The following DOCK10 variants were observed in gnomAD, a reference collection of about 807,000 sequenced individuals.
DOCK10 encodes dedicator of cytokinesis protein 10.
A neutral mutation model predicts 280.1 loss-of-function variants in DOCK10; 145 were observed. That is an observed-to-expected ratio of 0.52 (90% CI 0.45 to 0.59). DOCK10 has a LOEUF of 0.59. Among genes scored for constraint, DOCK10 ranks in the 20% least tolerant of loss-of-function variants. The probability of loss-of-function intolerance (pLI) is 0.00; values close to 1 mark genes in which losing one functional copy is unlikely to be tolerated. For missense variants in DOCK10, 2,368 were observed against 2,651.7 expected, an observed-to-expected ratio of 0.89 and a Z score of 2.35; for synonymous variants, 915 against 942.2, an observed-to-expected ratio of 0.97 and a Z score of 0.53.
At chr2:224,939,687 T>C (rs1702902709) in intron 1 of DOCK10, among the ~76,000 whole-genome samples, 3 of 152,358 alleles carry the variant, frequency 2.0e-5, no homozygotes, top group African/African-American at 7.2e-5. Flanking sequence ...TGATGAGAGC[T>C]GTCACCAGCT....
intron 4 of DOCK10, among the ~76,000 whole-genome samples, chr2:224,894,121 T>A (rs1368045727): frequency 6.6e-6 from 1 of 152,262 alleles, no homozygotes; most frequent in East Asian, 1.9e-4. Context: ...CTTTCTTTAG[T>A]TAAAGTAAGG....
chr2:224,965,377 T>G (rs1458249983), intron 1 of DOCK10, among the ~76,000 whole-genome samples: 2 of 152,192 alleles, frequency 1.3e-5, no homozygotes, highest in African/African-American at 4.8e-5. Context: ...GGGCACCCTT[T>G]CAAGGTCAAT....
chr2:225,011,850 G>C, intron 1 of DOCK10, among the ~76,000 whole-genome samples: 1 of 152,160 alleles, frequency 6.6e-6, no homozygotes, highest in South Asian at 2.1e-4. Flanking sequence ...GAAGTACCCA[G>C]AGTCAAAACG....
intron 48 of DOCK10, among the ~76,000 whole-genome samples, chr2:224,788,442 G>A (rs928105150): frequency 6.6e-6 from 1 of 152,018 alleles, no homozygotes; most frequent in Non-Finnish European, 1.5e-5. Context: ...TCGTTTATTT[G>A]CAATATATGC....
chr2:224,915,856 GA>G (rs1701281043), intron 3 of DOCK10, among the ~76,000 whole-genome samples: 1 of 152,218 alleles, frequency 6.6e-6, no homozygotes, highest in African/African-American at 2.4e-5. Context: ...AGAAGAGAAA[GA>G]AGCTGTTTTG....
chr2:224,984,258 G>A (rs1249557187), intron 1 of DOCK10, among the ~76,000 whole-genome samples: 2 of 152,226 alleles, frequency 1.3e-5, no homozygotes, highest in Admixed American at 1.3e-4. Flanking sequence ...AGAGAAGACA[G>A]ATCCCTCCGC....
At chr2:224,978,770 A>G (rs1705584903) in intron 1 of DOCK10, among the ~76,000 whole-genome samples, 1 of 152,164 alleles carries the variant, frequency 6.6e-6, no homozygotes, top group Non-Finnish European at 1.5e-5. Flanking sequence ...CTCCAGACAT[A>G]TATGCAACTT....
At chr2:224,856,770 T>C in intron 15 of DOCK10, 90 bp downstream of exon 15, 1 of 1,248,042 alleles carries the variant, frequency 8.0e-7, no homozygotes, top group Non-Finnish European at 1.1e-6. Flanking sequence ...GGTTTGGGTG[T>C]TCGAGAATGA....
intron 27 of DOCK10, among the ~76,000 whole-genome samples, chr2:224,828,511 C>A (rs1695012502): frequency 6.6e-6 from 1 of 152,086 alleles, no homozygotes; most frequent in African/African-American, 2.4e-5. Flanking sequence ...GAAGATCCAC[C>A]AGTGTATCAA....
chr2:224,773,104 A>T, intron 53 of DOCK10, 53 bp downstream of exon 53: 1 of 1,482,708 alleles, frequency 6.7e-7, no homozygotes, highest in Non-Finnish European at 9.1e-7. Flanking sequence ...AGGGCATTTT[A>T]CACCTGGTTT....
intron 31 of DOCK10, among the ~76,000 whole-genome samples, chr2:224,812,703 T>C (rs1225288262): frequency 6.6e-6 from 1 of 152,228 alleles, no homozygotes; most frequent in Non-Finnish European, 1.5e-5. Flanking sequence ...TGAAGCATTG[T>C]TGAATTTTGT....
Position 224,797,914 on chromosome 2 carries a change from G to T in DOCK10, c.4562C>A (p.Thr1521Asn). Residue 1521 changes from threonine to asparagine, a missense_variant, in exon 42 of 56, where the codon ACC becomes AAC. By Grantham distance (65) the Thr-to-Asn change is moderately conservative. Coordinates refer to ENST00000258390, the MANE Select transcript of DOCK10 (RefSeq NM_014689.3). Reference sequence around the variant, plus strand: ...ATTGACTTGGAAAAAGAGCATGTAGGTATCAAAGACCCTTTTCATCAATGA... The same window carrying T: ...ATTGACTTGGAAAAAGAGCATGTAGTTATCAAAGACCCTTTTCATCAATGA... ...QNSLMKRVFD[T>N]YMLFFQVNQS... 1 of 1,613,806 alleles carries T rather than the reference G, an allele frequency of 6.2e-7. No homozygotes were observed. The highest frequency in any genetic ancestry group is 8.5e-7 in the Non-Finnish European group (1 of 1,179,764).
At chr2:224,879,857 A>G (rs1698875333) in intron 7 of DOCK10, among the ~76,000 whole-genome samples, 1 of 152,216 alleles carries the variant, frequency 6.6e-6, no homozygotes, top group Non-Finnish European at 1.5e-5. Context: ...GACATTTTTA[A>G]GTATTTGATT....
chr2:224,995,215 T>G (rs1337557521), intron 1 of DOCK10, among the ~76,000 whole-genome samples: 1 of 152,204 alleles, frequency 6.6e-6, no homozygotes, highest in Non-Finnish European at 1.5e-5. Context: ...TTATGACCAG[T>G]CTAAGTTACA....
chr2:224,865,017 T>G lies in DOCK10; in HGVS notation c.1328A>C (p.His443Pro). 1 of 1,613,924 alleles carries G rather than the reference T, an allele frequency of 6.2e-7. No homozygotes were observed. The highest frequency in any genetic ancestry group is 8.5e-7 in the Non-Finnish European group (1 of 1,179,874). ...RDSRKISADF[H>P]VDLNHAAVRQ... ...GACAGCAGCATGGTTTAGATCCACA[T>G]GAAAATCAGCAGAAATCTTCCTGCT... Residue 443 changes from histidine to proline, a missense_variant, in exon 12 of 56, where the codon CAT becomes CCT. His to Pro is a moderately conservative substitution (Grantham distance 77). Around this residue, in one of 2 missense-constraint regions of DOCK10, gnomAD observed 1,209 missense variants for 1,250.9 expected, o/e 0.97. Coordinates refer to ENST00000258390, the MANE Select transcript of DOCK10 (RefSeq NM_014689.3).
In DOCK10 at chr2:224,892,176, C is replaced by T. The variant is rs549884695; in HGVS notation, c.416+4119G>A. Among the ~76,000 whole-genome samples the T allele has an allele frequency of 1.3e-4, 19 of 151,722 alleles. No homozygotes were observed. In the South Asian group the frequency reaches 1.5e-3, roughly 12 times the overall value. On this transcript the variant is annotated intron_variant, in intron 4 of 55. Coordinates refer to ENST00000258390, the MANE Select transcript of DOCK10 (RefSeq NM_014689.3). ...CTTTGGGAGGCCGAGGCTGGTGGAT[C>T]GCTTGAGGTCAGGAGTTAAAGACCA...
intron 53 of DOCK10, among the ~76,000 whole-genome samples, chr2:224,771,329 C>T (rs1690427878): frequency 6.6e-6 from 1 of 152,154 alleles, no homozygotes; most frequent in Admixed American, 6.5e-5. Flanking sequence ...TTTGTGAAAT[C>T]AAATGTTTGA....
intron 14 of DOCK10, among the ~76,000 whole-genome samples, chr2:224,858,036 G>GA (rs1245171638): frequency 1.3e-5 from 2 of 152,018 alleles, no homozygotes; most frequent in Non-Finnish European, 2.9e-5. Context: ...AATAACGTTG[G>GA]GGAGACAGAA....
intron 3 of DOCK10, among the ~76,000 whole-genome samples, chr2:224,912,412 G>A (rs866830267): frequency 2.2e-4 from 34 of 152,084 alleles, no homozygotes; most frequent in African/African-American, 8.2e-4. Flanking sequence ...TGGGATTACA[G>A]GAGTGAGCCA....
Sources: allele counts gnomAD v4.1 joint callset (sites outside exome capture counted in the v4.1 genomes callset), GRCh38; gene constraint gnomAD v4.1.1; regional missense constraint gnomAD v4.1.1; transcripts MANE v1.5; gene names NCBI Gene and HGNC (gene_info 2026-07-23, HGNC 2026-07-21).